ADCY9: variants seen among roughly 807,000 people sequenced by gnomAD.
The protein encoded by ADCY9 is adenylate cyclase type 9.
In ADCY9, 50 loss-of-function variants were observed where a neutral mutation model predicts 101.5. That is an observed-to-expected ratio of 0.49 (90% CI 0.39 to 0.62). The LOEUF (loss-of-function observed/expected upper bound fraction) is 0.62. ADCY9 is among the 20% of genes least tolerant of loss of function. The probability of loss-of-function intolerance (pLI) is 0.00; values close to 1 mark genes in which losing one functional copy is unlikely to be tolerated. For synonymous variants in ADCY9, 905 were observed against 769.3 expected, an observed-to-expected ratio of 1.18 and a Z score of -2.92; for missense variants, 1,662 against 1,800.4, an observed-to-expected ratio of 0.92 and a Z score of 1.39.
chr16:4,000,519 G>A (rs1399269566), intron 3 of ADCY9, among the ~76,000 whole-genome samples: 3 of 152,124 alleles, frequency 2.0e-5, no homozygotes, highest in South Asian at 4.1e-4. Flanking sequence ...AAAAATAGAA[G>A]CAGAATATTA....
At chr16:3,959,362 C>CAA (rs71133675), downstream of ADCY9, among the ~76,000 whole-genome samples, 3,043 of 133,422 alleles carry the variant, frequency 0.023, 186 homozygotes, top group Admixed American at 0.13. Context: ...ACTCTTATCT[C>CAA]AAAAAAAAAA....
intron 2 of ADCY9, among the ~76,000 whole-genome samples, chr16:4,045,173 C>T (rs1168730238): frequency 1.3e-5 from 2 of 151,970 alleles, no homozygotes; most frequent in Admixed American, 1.3e-4. Flanking sequence ...ACTATCATTC[C>T]CAGCCTTGGT....
chr16:3,966,346 C>T lies in ADCY9; in HGVS notation c.3491G>A (p.Arg1164His), dbSNP rs1421885899. ...GAGGGGCCCATGGTTGAAGCCGACG[C>T]GGAGCTTGAAGTTGAACCACAGCAT... Reference protein sequence around the residue: ...NNMLWFNFKLRVGFNHGPLTA... With the variant: ...NNMLWFNFKLHVGFNHGPLTA... Residue 1164 changes from arginine (R) to histidine (H), a missense_variant, in exon 11 of 11, where the codon CGC (arginine) becomes CAC (histidine). By Grantham distance (29) the Arg-to-His change is conservative (BLOSUM62 0). Coordinates refer to ENST00000294016, the MANE Select transcript of ADCY9 (RefSeq NM_001116.4). 1.2e-6 allele frequency: 2 copies of T among 1,613,964 alleles called. No individual in the cohort carries two copies. The highest frequency in any genetic ancestry group is 1.3e-5 in the African/African-American group (1 of 74,906).
chr16:3,988,800 A>G (rs3730128), intron 6 of ADCY9, among the ~76,000 whole-genome samples, 194 bp downstream of exon 6: 1,998 of 152,332 alleles, frequency 0.013, 42 homozygotes, highest in African/African-American at 0.045. Flanking sequence ...ACAAAGGACT[A>G]AAGAAAGGGT....
At chr16:3,960,997 T>G (rs1208280693), downstream of ADCY9, among the ~76,000 whole-genome samples, 1 of 112,038 alleles carries the variant, frequency 8.9e-6, no homozygotes, top group African/African-American at 3.1e-5. Flanking sequence ...CAGCCATAGA[T>G]TCCCACAGTG....
intron 2 of ADCY9, among the ~76,000 whole-genome samples, chr16:4,067,114 A>G (rs535237814): frequency 5.1e-4 from 78 of 152,334 alleles, no homozygotes; most frequent in African/African-American, 1.8e-3. Flanking sequence ...AAAAAAAATT[A>G]GAATCACAGA....
intron 3 of ADCY9, among the ~76,000 whole-genome samples, chr16:3,996,055 G>A (rs899183665): frequency 2.0e-5 from 3 of 152,094 alleles, no homozygotes; most frequent in African/African-American, 2.4e-5. Context: ...GGTATTGACT[G>A]GCAGAGTTAA....
intron 2 of ADCY9, among the ~76,000 whole-genome samples, chr16:4,096,091 T>TA (rs2057002296): frequency 6.6e-6 from 1 of 152,060 alleles, no homozygotes; most frequent in Non-Finnish European, 1.5e-5. Flanking sequence ...AACTCAATCT[T>TA]ACGTATTTAT....
At chr16:3,967,054 TGA>T in intron 10 of ADCY9, 88 bp from the exon 11 acceptor site, 1 of 1,129,092 alleles carries the variant, frequency 8.9e-7, no homozygotes, top group South Asian at 1.5e-5. Context: ...AAAGCTTTGT[TGA>T]GTCCAGGCCT....
In ADCY9 at chr16:4,115,150, A is replaced by G. The variant is rs575082493; in HGVS notation, c.293T>C (p.Val98Ala). 4 of 1,613,814 alleles carry G rather than the reference A, an allele frequency of 2.5e-6. No homozygotes were observed. The East Asian group carries it at 8.9e-5, about 36-fold the overall frequency. Residue 98 changes from valine to alanine, a missense_variant, in exon 2 of 11, where the codon GTG becomes GCG. Coordinates refer to ENST00000294016, the MANE Select transcript of ADCY9 (RefSeq NM_001116.4). The surrounding 1 kb of genome is among the most constrained non-coding windows in gnomAD (Gnocchi z 6.2). ...CTCCAGGCAGGCCTCCTCCAGGTTC[A>G]CCGAGTCGAACTTGGGGTCCCACCA... Reference protein sequence around the residue: ...SRWWDPKFDSVNLEEACLERC... With the variant: ...SRWWDPKFDSANLEEACLERC...
intron 2 of ADCY9, among the ~76,000 whole-genome samples, chr16:4,105,677 CAAAAAAA>C (rs35983934): frequency 1.2e-5 from 1 of 81,646 alleles, no homozygotes; most frequent in Non-Finnish European, 2.5e-5. Flanking sequence ...GACTCCGTCT[CAAAAAAA>C]AAAAAAAAAA....
At chr16:4,113,135 C>T (rs1266162863) in intron 2 of ADCY9, among the ~76,000 whole-genome samples, 1 of 149,278 alleles carries the variant, frequency 6.7e-6, no homozygotes, top group Admixed American at 6.7e-5. Flanking sequence ...TATCCTTAAA[C>T]AAATGATGGC....
intron 2 of ADCY9, among the ~76,000 whole-genome samples, chr16:4,091,485 A>C (rs930623962): frequency 2.0e-4 from 30 of 152,238 alleles, no homozygotes; most frequent in African/African-American, 6.3e-4. Flanking sequence ...GAGAAAACAG[A>C]TACTCAAACA....
intron 2 of ADCY9, among the ~76,000 whole-genome samples, chr16:4,013,072 C>A (rs553363600): frequency 2.6e-5 from 4 of 151,966 alleles, no homozygotes; most frequent in South Asian, 2.1e-4. Context: ...GACAACATAG[C>A]GAGATCCCAT....
chr16:4,083,482 T>C (rs1051610255), intron 2 of ADCY9, among the ~76,000 whole-genome samples: 11 of 152,160 alleles, frequency 7.2e-5, no homozygotes, highest in Admixed American at 2.0e-4. Context: ...AGTTACCATA[T>C]GACCCAGCAA....
chr16:3,961,770 A>G (rs1359825845), downstream of ADCY9, among the ~76,000 whole-genome samples: 1 of 152,150 alleles, frequency 6.6e-6, no homozygotes, highest in Non-Finnish European at 1.5e-5. Flanking sequence ...TCATGCCTGT[A>G]ATCCCAGCAC....
intron 2 of ADCY9, among the ~76,000 whole-genome samples, chr16:4,067,700 C>T (rs1331295974): frequency 6.6e-6 from 1 of 152,126 alleles, no homozygotes; most frequent in Non-Finnish European, 1.5e-5. Flanking sequence ...AGCTGACCCT[C>T]GGGAGAGGGT....
chr16:4,101,963 T>C (rs1339870335), intron 2 of ADCY9, among the ~76,000 whole-genome samples: 3 of 152,118 alleles, frequency 2.0e-5, no homozygotes, highest in African/African-American at 7.2e-5. Context: ...GGGCGAGCTA[T>C]CAGTATTTTG....
Position 3,992,935 on chromosome 16 carries a change from G to A in ADCY9, c.1989+471C>T, listed in dbSNP as rs1039636314. On this transcript the variant is annotated intron_variant, in intron 4 of 10. Transcript: ENST00000294016. This position sits in a 1 kb window ranked among gnomAD's most constrained non-coding sequence, Gnocchi z 4.2. ...TGAGTCGCCTGCATGAGCCCCCGCC[G>A]ACAGGCTCTCGCGGGTGGGCTGAGT... 3.3e-5 allele frequency among the ~76,000 whole-genome samples: 5 copies of A among 152,130 alleles called. No homozygotes were observed. The highest frequency in any genetic ancestry group is 1.2e-4 in the African/African-American group (5 of 41,434).
Sources: gnomAD v4.1 joint callset for allele counts (sites outside exome capture counted in the v4.1 genomes callset) on GRCh38, gnomAD v4.1.1 for gene constraint, Gnocchi (gnomAD v3.1) non-coding constraint, MANE v1.5 for transcripts, NCBI Gene and HGNC (gene_info 2026-07-23, HGNC 2026-07-21) for gene names.